SYNPR: variants seen among roughly 807,000 people sequenced by gnomAD.
The protein encoded by SYNPR is synaptoporin.
Under a neutral mutation model 32.9 loss-of-function variants are expected in SYNPR, and 23 were observed. The observed-to-expected ratio is 0.70, with a 90% confidence interval of 0.50 to 0.99. SYNPR has a LOEUF of 0.99. Ranked by LOEUF, SYNPR falls within the 50% of genes least tolerant of loss-of-function variation. The probability of loss-of-function intolerance (pLI) is 0.00; values close to 1 mark genes in which losing one functional copy is unlikely to be tolerated. For missense variants in SYNPR, 318 were observed against 349.3 expected, an observed-to-expected ratio of 0.91 and a Z score of 0.71; for synonymous variants, 146 against 135.9, an observed-to-expected ratio of 1.07 and a Z score of -0.52.
chr3:63,380,384 C>G lies in SYNPR; in HGVS notation c.85-100448C>G, dbSNP rs566236718. Reference sequence around the variant, plus strand: ...GACTTTTTAGTGATCGCCACTCTAACTGGTGTGAGATGGTATCTCACTGTG... The same window carrying G: ...GACTTTTTAGTGATCGCCACTCTAAGTGGTGTGAGATGGTATCTCACTGTG... On this transcript the variant is annotated intron_variant, in intron 2 of 5. Coordinates refer to ENST00000478300, the MANE Select transcript of SYNPR (RefSeq NM_001130003.2). Among the ~76,000 whole-genome samples, 9 of 152,298 alleles carry G rather than the reference C, an allele frequency of 5.9e-5. No homozygotes were observed. In the South Asian group the frequency reaches 1.7e-3, roughly 28 times the overall value.
chr3:63,318,668 A>AT (rs538727977), intron 2 of SYNPR, among the ~76,000 whole-genome samples: 181 of 151,798 alleles, frequency 1.2e-3, no homozygotes, highest in Middle Eastern at 6.8e-3. Flanking sequence ...TTCTTGTATC[A>AT]TTTTTTTGGA....
chr3:63,586,114 G>A (rs889567695), intron 4 of SYNPR, among the ~76,000 whole-genome samples: 1 of 151,970 alleles, frequency 6.6e-6, no homozygotes, highest in African/African-American at 2.4e-5. Context: ...TTTCCTCCTT[G>A]GTATTTGAGA....
chr3:63,305,021 T>G (rs905786477), intron 2 of SYNPR, among the ~76,000 whole-genome samples: 3 of 151,946 alleles, frequency 2.0e-5, no homozygotes, highest in Non-Finnish European at 4.4e-5. Context: ...GAGAATGACA[T>G]GTAGTAGCTA....
At chr3:63,300,362 A>G (rs1231477449) in intron 2 of SYNPR, among the ~76,000 whole-genome samples, 2 of 125,318 alleles carry the variant, frequency 1.6e-5, no homozygotes, top group South Asian at 2.2e-4. Context: ...TCTACCAATC[A>G]TCTTCATCCT....
At chr3:63,400,958 GA>G (rs2088282433) in intron 2 of SYNPR, among the ~76,000 whole-genome samples, 1 of 152,058 alleles carries the variant, frequency 6.6e-6, no homozygotes, top group South Asian at 2.1e-4. Context: ...AGGGTGTCCA[GA>G]AGGAAAGCAA....
chr3:63,240,897 C>T (rs2086236689), intron 1 of SYNPR, among the ~76,000 whole-genome samples: 1 of 152,100 alleles, frequency 6.6e-6, no homozygotes. Context: ...CCCACTGTGC[C>T]ATGAGACTTT....
intron 2 of SYNPR, among the ~76,000 whole-genome samples, chr3:63,350,225 C>T (rs111667569): frequency 8.9e-5 from 13 of 146,698 alleles, no homozygotes; most frequent in African/African-American, 3.0e-4. Context: ...CACACACACA[C>T]ACACACACAC....
chr3:63,250,699 G>T (rs1277775953), intron 1 of SYNPR, among the ~76,000 whole-genome samples: 1 of 152,136 alleles, frequency 6.6e-6, no homozygotes, highest in Non-Finnish European at 1.5e-5. Flanking sequence ...TGAGGAAAAT[G>T]AGTCTCACAG....
At chr3:63,218,533 C>T in the SYNPR span, among the ~76,000 whole-genome samples, 2 of 152,132 alleles carry the variant, frequency 1.3e-5, no homozygotes, top group African/African-American at 4.8e-5. Flanking sequence ...CTTTATAATT[C>T]TGAAATCCTA....
intron 3 of SYNPR, among the ~76,000 whole-genome samples, chr3:63,554,551 C>A (rs1702562019): frequency 6.6e-6 from 1 of 152,006 alleles, no homozygotes; most frequent in African/African-American, 2.4e-5. Flanking sequence ...AGTTTTTTAT[C>A]CTGTTCCATT....
intron 3 of SYNPR, among the ~76,000 whole-genome samples, chr3:63,488,239 A>T (rs1016371544): frequency 6.6e-6 from 1 of 152,222 alleles, no homozygotes; most frequent in African/African-American, 2.4e-5. Flanking sequence ...TTGCAATTAC[A>T]TTTAAGTATT....
intron 4 of SYNPR, among the ~76,000 whole-genome samples, chr3:63,595,962 G>A (rs1433217213): frequency 5.2e-4 from 38 of 72,570 alleles, no homozygotes; most frequent in South Asian, 2.0e-3. Flanking sequence ...TATATATATA[G>A]TTTTATATAT....
At chr3:63,343,751 A>G (rs951795908) in intron 2 of SYNPR, among the ~76,000 whole-genome samples, 1 of 152,212 alleles carries the variant, frequency 6.6e-6, no homozygotes, top group African/African-American at 2.4e-5. Flanking sequence ...GTTTCTTGAG[A>G]AGGCTTTGAC....
At chr3:63,406,642 A>G (rs2088364530) in intron 2 of SYNPR, among the ~76,000 whole-genome samples, 1 of 152,192 alleles carries the variant, frequency 6.6e-6, no homozygotes, top group South Asian at 2.1e-4. Flanking sequence ...ATTTGGTCAG[A>G]AAGAAACAAA....
chr3:63,383,881 C>T (rs972029003), intron 2 of SYNPR, among the ~76,000 whole-genome samples: 1 of 152,156 alleles, frequency 6.6e-6, no homozygotes, highest in Non-Finnish European at 1.5e-5. Context: ...TCTTAAATGT[C>T]CTCACCATAT....
At chr3:63,614,317 A>C (rs1700247047) in intron 5 of SYNPR, among the ~76,000 whole-genome samples, 1 of 152,240 alleles carries the variant, frequency 6.6e-6, no homozygotes, top group Admixed American at 6.5e-5. Context: ...AAAAGGCTGC[A>C]GAACAAGTCA....
intron 2 of SYNPR, among the ~76,000 whole-genome samples, chr3:63,404,422 T>TA (rs2088332448): frequency 6.6e-6 from 1 of 152,172 alleles, no homozygotes; most frequent in Non-Finnish European, 1.5e-5. Flanking sequence ...AGGAAAATCA[T>TA]AAAAAATGTT....
intron 2 of SYNPR, chr3:63,426,706 T>C (rs1229452150): frequency 6.6e-6 from 1 of 152,182 alleles, no homozygotes; most frequent in Non-Finnish European, 1.5e-5. Flanking sequence ...CTGCACCAAT[T>C]TCTCACCAGT....
intron 2 of SYNPR, among the ~76,000 whole-genome samples, chr3:63,458,010 T>C (rs1265644627): frequency 2.0e-5 from 3 of 152,176 alleles, no homozygotes; most frequent in African/African-American, 4.8e-5. Context: ...CATTTAATTT[T>C]ATTCTTACCT....
Sources: gnomAD v4.1 joint callset for allele counts (sites outside exome capture counted in the v4.1 genomes callset) on GRCh38, gnomAD v4.1.1 for gene constraint, MANE v1.5 for transcripts, NCBI Gene and HGNC (gene_info 2026-07-23, HGNC 2026-07-21) for gene names.